Variants in SLC43A2 observed in about 807,000 individuals in gnomAD.
The protein encoded by SLC43A2 is large neutral amino acids transporter small subunit 4.
Under a neutral mutation model 63.2 loss-of-function variants are expected in SLC43A2, and 38 were observed. That is an observed-to-expected ratio of 0.60 (90% CI 0.46 to 0.79). The LOEUF (loss-of-function observed/expected upper bound fraction) is 0.79. Among genes scored for constraint, SLC43A2 ranks in the 30% least tolerant of loss-of-function variants. The pLI is 0.00. For missense variants in SLC43A2, 644 were observed against 756.2 expected (o/e 0.85, Z 1.74); for synonymous variants, 322 against 331.0 (o/e 0.97, Z 0.30).
At chr17:1,599,282 A>T (rs111541163) in intron 5 of SLC43A2, among the ~76,000 whole-genome samples, 1 of 150,036 alleles carries the variant, frequency 6.7e-6, no homozygotes, top group Non-Finnish European at 1.5e-5. Flanking sequence ...AGAGGTTGCA[A>T]TGAGCCAAGA....
At position 1,612,709 on chromosome 17, in the gene SLC43A2, C is replaced by T. The variant is rs557879957; in HGVS notation, c.501+486G>A. Among the ~76,000 whole-genome samples the T allele has an allele frequency of 1.9e-4, 29 of 152,386 alleles. No individual in the cohort carries two copies. The South Asian group carries it at 5.8e-3, about 30-fold the overall frequency. Reference sequence around the variant, plus strand: ...AATGTCGGCCAGGCCAGGTGGCTCACGCCTGTCACCCCAGCGCTTTGGGAG... The same window carrying T: ...AATGTCGGCCAGGCCAGGTGGCTCATGCCTGTCACCCCAGCGCTTTGGGAG... On this transcript the variant is annotated intron_variant, in intron 5 of 13. Coordinates refer to ENST00000301335, the MANE Select transcript of SLC43A2 (RefSeq NM_152346.3).
At chr17:1,624,445 G>A (rs560881679) in intron 2 of SLC43A2, among the ~76,000 whole-genome samples, 2 of 151,870 alleles carry the variant, frequency 1.3e-5, no homozygotes, top group South Asian at 4.2e-4. Flanking sequence ...GCTCACACCT[G>A]TAATCCCAGT....
At chr17:1,589,897 G>T (rs1335307359) in intron 9 of SLC43A2, among the ~76,000 whole-genome samples, 2 of 152,222 alleles carry the variant, frequency 1.3e-5, no homozygotes, top group Non-Finnish European at 2.9e-5. Context: ...AGGATTACAG[G>T]CGTGAGCCAC....
Position 1,604,757 on chromosome 17 carries a change from G to A in SLC43A2, c.501+8438C>T, listed in dbSNP as rs182466612. 2.1e-4 allele frequency: 317 copies of A among 1,535,718 alleles called. 2 individuals carry two copies. In the African/African-American group the frequency reaches 3.2e-3, roughly 16 times the overall value. ...GCCCTCACCTCCTGCTGTTGCCTTC[G>A]GCTGACCTCCCCATGGTCCAGCGCC... On this transcript the variant is annotated intron_variant, in intron 5 of 13. Transcript: ENST00000301335.
Position 1,575,297 on chromosome 17 carries a change from AGC to A in SLC43A2, c.*305_*306del. The A allele has an allele frequency of 2.2e-6, 1 of 463,030 alleles. No individual in the cohort carries two copies. The highest frequency in any genetic ancestry group is 2.3e-5 in the South Asian group (1 of 43,248). 28.7% of individuals were successfully genotyped at this position (463,030 alleles called of 1,614,324 possible). On this transcript the variant is annotated 3_prime_UTR_variant, in exon 14 of 14. Transcript: ENST00000301335. Reference sequence around the variant, plus strand: ...GGCAGAATCCAGACACTGGCGGGAGAGCGCCTGCCTGCCGGGCGTTCCTGGCT... The same window carrying A: ...GGCAGAATCCAGACACTGGCGGGAGAGCCTGCCTGCCGGGCGTTCCTGGCT...
At chr17:1,600,147 T>TATATAG (rs1241078228) in intron 5 of SLC43A2, among the ~76,000 whole-genome samples, 1 of 86,190 alleles carries the variant, frequency 1.2e-5, no homozygotes, top group Non-Finnish European at 2.2e-5. Flanking sequence ...TATATATATA[T>TATATAG]ATATATTTTT....
chr17:1,615,747 G>A (rs1459753226), intron 3 of SLC43A2, among the ~76,000 whole-genome samples: 1 of 148,218 alleles, frequency 6.7e-6, no homozygotes, highest in Non-Finnish European at 1.5e-5. Flanking sequence ...GGAGGCTGAG[G>A]CAGGAGAATA....
intron 5 of SLC43A2, chr17:1,604,784 C>A (rs1906430176): frequency 6.5e-7 from 1 of 1,535,700 alleles, no homozygotes; most frequent in Admixed American, 2.0e-5. Context: ...TCCAGCGCCA[C>A]AGCATCGGAT....
chr17:1,576,599 A>T lies in SLC43A2; in HGVS notation c.1546T>A (p.Trp516Arg). ...MMGPLQGDPL[W>R]VNVGLLLLSL... ...CACCATCCCCCGACCCCTCTTACCC[A>T]CAGAGGGTCTCCCTGGAGAGGACCC... is the stretch of plus-strand genomic sequence containing the variant. Residue 516 changes from tryptophan to arginine, a missense_variant and splice_region_variant, in exon 13 of 14, where the codon TGG becomes AGG. By Grantham distance (101) the Trp-to-Arg change is moderately radical (BLOSUM62 -3). Coordinates refer to ENST00000301335, the MANE Select transcript of SLC43A2 (RefSeq NM_152346.3). 1 of 1,604,860 alleles carries T rather than the reference A, an allele frequency of 6.2e-7. No individual in the cohort carries two copies. Among genetic ancestry groups the T allele is most frequent in the Non-Finnish European group, 8.5e-7 (1 of 1,178,980 alleles).
intron 6 of SLC43A2, among the ~76,000 whole-genome samples, chr17:1,592,376 G>C (rs779420473): frequency 2.7e-4 from 41 of 152,218 alleles, no homozygotes; most frequent in Non-Finnish European, 4.9e-4. Flanking sequence ...GCAGTGAGCC[G>C]AGATCGTGCT....
intron 11 of SLC43A2, among the ~76,000 whole-genome samples, chr17:1,582,448 C>T (rs771535000): frequency 3.3e-5 from 5 of 152,188 alleles, no homozygotes; most frequent in African/African-American, 4.8e-5. Flanking sequence ...GTAGAAACCC[C>T]GTGAGACTCT....
chr17:1,589,644 G>A (rs1042708001), intron 9 of SLC43A2, among the ~76,000 whole-genome samples: 3 of 152,132 alleles, frequency 2.0e-5, no homozygotes, highest in African/African-American at 7.2e-5. Flanking sequence ...TTTTGAGATG[G>A]AGTCGCACTC....
At chr17:1,610,391 G>A (rs879522738) in intron 5 of SLC43A2, among the ~76,000 whole-genome samples, 48 of 148,560 alleles carry the variant, frequency 3.2e-4, no homozygotes, top group Middle Eastern at 7.1e-3. Flanking sequence ...GCCTCCCGAG[G>A]AGCTGGGACT....
chr17:1,581,550 A>AT (rs1395038067), intron 11 of SLC43A2, among the ~76,000 whole-genome samples: 1 of 152,182 alleles, frequency 6.6e-6, no homozygotes, highest in African/African-American at 2.4e-5. Flanking sequence ...GCCTCCTGTA[A>AT]AAAGGGAGGG....
chr17:1,616,517 G>A (rs1907678568), intron 3 of SLC43A2, 45 bp downstream of exon 3: 27 of 1,554,640 alleles, frequency 1.7e-5, no homozygotes, highest in Non-Finnish European at 2.4e-5. Flanking sequence ...TCAGCCCAGG[G>A]GGTCCACCTG....
chr17:1,593,413 T>A lies in SLC43A2; in HGVS notation c.502-134A>T. The A allele has an allele frequency of 1.3e-6, 1 of 770,708 alleles. No individual in the cohort carries two copies. Among genetic ancestry groups the A allele is most frequent in the Non-Finnish European group, 2.2e-6 (1 of 456,420 alleles). 47.7% of individuals were successfully genotyped at this position (770,708 alleles called of 1,614,324 possible). ...CTTCCTGTGTGACTCACAGGGGCAT[T>A]AGTTCAGGGGCAATGACCGCTCACT... On this transcript the variant is annotated intron_variant, in intron 5 of 13. Transcript: ENST00000301335. This position sits in a 1 kb window ranked among gnomAD's most constrained non-coding sequence, Gnocchi z 5.3.
At chr17:1,600,159 T>A (rs1328251984) in intron 5 of SLC43A2, among the ~76,000 whole-genome samples, 39 of 115,544 alleles carry the variant, frequency 3.4e-4, no homozygotes, top group African/African-American at 1.1e-3. Flanking sequence ...TATATTTTTT[T>A]TTTTTTTTTG....
In SLC43A2 at chr17:1,590,790, C is replaced by G. The variant is rs573952383; in HGVS notation, c.1078+12G>C. ...GGGAGTGACAGCGACCGAGGCTGCC[C>G]GGGGCACCTACCTGTCTTCTGGTCG... On this transcript the variant is annotated intron_variant, in intron 9 of 13. Transcript: ENST00000301335. 3 of 1,552,000 alleles carry G rather than the reference C, an allele frequency of 1.9e-6. No individual in the cohort carries two copies. Among genetic ancestry groups the G allele is most frequent in the East Asian group, 2.4e-5 (1 of 41,632 alleles).
At chr17:1,621,801 C>T (rs988590277) in intron 2 of SLC43A2, among the ~76,000 whole-genome samples, 3 of 152,198 alleles carry the variant, frequency 2.0e-5, no homozygotes, top group Non-Finnish European at 2.9e-5. Context: ...GCTGTCAGAC[C>T]CCAAAGCTCC....
Sources: allele counts gnomAD v4.1 joint callset (sites outside exome capture counted in the v4.1 genomes callset), GRCh38; gene constraint gnomAD v4.1.1; non-coding constraint Gnocchi (gnomAD v3.1); transcripts MANE v1.5; gene names NCBI Gene and HGNC (gene_info 2026-07-23, HGNC 2026-07-21).